The following CMBL variants were observed in gnomAD, a reference collection of about 807,000 sequenced individuals.
CMBL encodes carboxymethylenebutenolidase homolog (Pseudomonas).
CMBL carries 17 observed loss-of-function variants against 28.7 expected under a neutral mutation model. The ratio of observed to expected loss-of-function variants is 0.59; its 90% CI spans 0.41 to 0.89. The LOEUF (loss-of-function observed/expected upper bound fraction) is 0.89, where lower values mean the gene tolerates loss of function less well. Among genes scored for constraint, CMBL ranks in the 40% least tolerant of loss-of-function variants. CMBL has a pLI of 0.00. For missense variants in CMBL, 310 were observed against 298.5 expected (o/e 1.04, Z -0.28); for synonymous variants, 106 against 101.6 (o/e 1.04, Z -0.26).
At chr5:10,280,671 G>A (rs1323525287) in intron 5 of CMBL, 39 bp from the exon 6 acceptor site, 2 of 1,524,016 alleles carry the variant, frequency 1.3e-6, no homozygotes, top group Non-Finnish European at 1.8e-6. Flanking sequence ...ACCCTTTAGT[G>A]ATACTTTCCA....
intron 1 of CMBL, among the ~76,000 whole-genome samples, chr5:10,292,609 G>T (rs112210149): frequency 5.6e-4 from 85 of 152,246 alleles, no homozygotes; most frequent in African/African-American, 2.0e-3. Context: ...TGGATCACAA[G>T]TTCAGGAGCT....
In CMBL at chr5:10,282,288, C is replaced by A; in HGVS notation, c.467G>T (p.Gly156Val). The change falls in exon 5 of 6, where the codon GGC becomes GTC. Residue 156 changes from glycine (G) to valine (V), a missense_variant and splice_region_variant. Gly to Val is a moderately radical substitution (Grantham distance 109, BLOSUM62 -3). Coordinates refer to ENST00000296658, the MANE Select transcript of CMBL (RefSeq NM_138809.4). Reference sequence around the variant, plus strand: ...AATGTCTTCAGAATCCTTGACAATGCCTGAAAAACAAGCACAGAGGCATGA... The same window carrying A: ...AATGTCTTCAGAATCCTTGACAATGACTGAAAAACAAGCACAGAGGCATGA... ...SEFRAGVSVYGIVKDSEDIYN... is the reference protein window; with the variant it reads ...SEFRAGVSVYVIVKDSEDIYN... The A allele has an allele frequency of 6.3e-7, 1 of 1,579,998 alleles. No homozygotes were observed. Among genetic ancestry groups the A allele is most frequent in the Non-Finnish European group, 8.7e-7 (1 of 1,148,500 alleles).
At chr5:10,297,524 G>A (rs1579476534) in intron 1 of CMBL, among the ~76,000 whole-genome samples, 2 of 144,786 alleles carry the variant, frequency 1.4e-5, no homozygotes, top group South Asian at 2.2e-4. Flanking sequence ...AGCTGAGATC[G>A]CACCATTTCA....
chr5:10,300,192 G>A (rs984032710), intron 1 of CMBL, among the ~76,000 whole-genome samples: 1 of 152,196 alleles, frequency 6.6e-6, no homozygotes, highest in African/African-American at 2.4e-5. Context: ...AGACACAACA[G>A]ACGCACAGAA....
intron 1 of CMBL, chr5:10,307,351 A>C (rs1383904092): frequency 1.3e-5 from 2 of 152,202 alleles, no homozygotes; most frequent in Admixed American, 6.5e-5. Context: ...TGTGATTTCC[A>C]CTATGTCTTT....
chr5:10,286,529 G>C (rs763442330), intron 3 of CMBL, 33 bp from the exon 4 acceptor site: 1 of 1,600,494 alleles, frequency 6.2e-7, no homozygotes, highest in East Asian at 2.2e-5. Context: ...TCAAGAATCA[G>C]GCTTATTTTG....
In CMBL at chr5:10,290,672, T is replaced by C; in HGVS notation, c.91A>G (p.Lys31Glu). 1 of 1,614,218 alleles carries C rather than the reference T, an allele frequency of 6.2e-7. No individual in the cohort carries two copies. The highest frequency in any genetic ancestry group is 8.5e-7 in the Non-Finnish European group (1 of 1,180,042). The change falls in exon 2 of 6, where the codon AAG becomes GAG. Residue 31 changes from lysine to glutamate, a missense_variant. Coordinates refer to ENST00000296658, the MANE Select transcript of CMBL (RefSeq NM_138809.4). ...LGREVQVEHIKAYVTKSPVDA... is the reference protein window; with the variant it reads ...LGREVQVEHIEAYVTKSPVDA... ...ACGGGGGATTTGGTGACATAAGCCT[T>C]GATGTGCTCGACTTGAACTTCACGG...
In CMBL at chr5:10,279,424, G is replaced by A. The variant is rs1448349612; in HGVS notation, c.*1029C>T. ...GATAAGTGTCTAAGCTGGGCAGTTA[G>A]TCTACCCGTTTATAGTTCATGTTCT... is the stretch of plus-strand genomic sequence containing the variant. On this transcript the variant is annotated 3_prime_UTR_variant, in exon 6 of 6. Transcript: ENST00000296658. 2 of 152,218 alleles carry A rather than the reference G, an allele frequency of 1.3e-5. No individual in the cohort carries two copies. Among genetic ancestry groups the A allele is most frequent in the African/African-American group, 4.8e-5 (2 of 41,534 alleles). 9.4% of individuals were successfully genotyped at this position (152,218 alleles called of 1,614,324 possible). A position where few individuals can be genotyped will look rare whatever the true frequency, so the allele number is the denominator to read the frequency against.
Position 10,289,016 on chromosome 5 carries a change from A to G in CMBL, c.216-487T>C, listed in dbSNP as rs1417942371. Among the ~76,000 whole-genome samples the G allele has an allele frequency of 6.6e-6, 1 of 152,144 alleles. No individual in the cohort carries two copies. The highest frequency in any genetic ancestry group is 1.5e-5 in the Non-Finnish European group (1 of 68,032). On this transcript the variant is annotated intron_variant, in intron 2 of 5. Transcript: ENST00000296658. The surrounding 1 kb of genome is among the most constrained non-coding windows in gnomAD (Gnocchi z 4.3). ...AGACGGCGACGAAGCACAGTTTCCTATCCAGAGGGTATGTTCTAAGACGGG... is the reference window on the plus strand; with the variant it reads ...AGACGGCGACGAAGCACAGTTTCCTGTCCAGAGGGTATGTTCTAAGACGGG...
At position 10,281,977 on chromosome 5, in the gene CMBL, T is replaced by C. The variant is rs145853014; in HGVS notation, c.558+220A>G. On this transcript the variant is annotated intron_variant, in intron 5 of 5. Coordinates refer to ENST00000296658, the MANE Select transcript of CMBL (RefSeq NM_138809.4). Reference sequence around the variant, plus strand: ...GAGTTCAAGACCAGCCTGGTCAACATGGTGAAACCCCGTCTCTACTAAAAA... The same window carrying C: ...GAGTTCAAGACCAGCCTGGTCAACACGGTGAAACCCCGTCTCTACTAAAAA... Among the ~76,000 whole-genome samples the C allele has an allele frequency of 2.8e-3, 430 of 152,164 alleles. 4 individuals are homozygous for C. The highest frequency in any genetic ancestry group is 1.0e-2 in the African/African-American group (414 of 41,500).
intron 4 of CMBL, among the ~76,000 whole-genome samples, chr5:10,282,639 C>T (rs1025514908): frequency 2.6e-5 from 4 of 151,808 alleles, no homozygotes; most frequent in African/African-American, 4.8e-5. Context: ...AAACATAAGC[C>T]GGGTGTGGTG....
intron 1 of CMBL, among the ~76,000 whole-genome samples, chr5:10,304,406 A>G (rs182849510): frequency 1.4e-4 from 22 of 152,196 alleles, no homozygotes; most frequent in African/African-American, 5.1e-4. Flanking sequence ...AAAAATTCAT[A>G]ACCCCTCCTA....
chr5:10,285,729 G>C (rs1746589231), intron 4 of CMBL, among the ~76,000 whole-genome samples: 1 of 118,906 alleles, frequency 8.4e-6, no homozygotes. Context: ...ACAGGGTCTT[G>C]CTCTGTCACC....
chr5:10,299,427 T>C (rs1746857315), intron 1 of CMBL, among the ~76,000 whole-genome samples: 1 of 152,156 alleles, frequency 6.6e-6, no homozygotes, highest in Non-Finnish European at 1.5e-5. Context: ...GGTACACTTG[T>C]AGGGAAATGG....
intron 1 of CMBL, among the ~76,000 whole-genome samples, chr5:10,294,441 G>A (rs1746776193): frequency 6.6e-6 from 1 of 152,048 alleles, no homozygotes; most frequent in Non-Finnish European, 1.5e-5. Context: ...GCACATGCCT[G>A]TATTCCCAGC....
chr5:10,290,648 C>G lies in CMBL; in HGVS notation c.115G>C (p.Val39Leu). Residue 39 changes from valine (V) to leucine (L), a missense_variant, in exon 2 of 6, where the codon GTT (valine) becomes CTT (leucine). Val to Leu is a conservative substitution (Grantham distance 32, BLOSUM62 1). Coordinates refer to ENST00000296658, the MANE Select transcript of CMBL (RefSeq NM_138809.4). The stretch of plus-strand genomic sequence containing the variant: ...ACAATCACAGCTTTGCCTGCATCAA[C>G]GGGGGATTTGGTGACATAAGCCTTG... The part of the protein sequence containing the change: ...HIKAYVTKSP[V>L]DAGKAVIVIQ... 6.2e-7 allele frequency: 1 copy of G among 1,614,178 alleles called. No homozygotes were observed. Among genetic ancestry groups the G allele is most frequent in the Non-Finnish European group, 8.5e-7 (1 of 1,180,018 alleles).
At chr5:10,291,223 G>A (rs1395760850) in intron 1 of CMBL, among the ~76,000 whole-genome samples, 2 of 152,152 alleles carry the variant, frequency 1.3e-5, no homozygotes, top group East Asian at 3.9e-4. Flanking sequence ...GAATTTGTAA[G>A]AGACCCACGC....
At chr5:10,291,138 G>A (rs73052320) in intron 1 of CMBL, among the ~76,000 whole-genome samples, 288 of 152,252 alleles carry the variant, frequency 1.9e-3, no homozygotes, top group African/African-American at 6.6e-3. Context: ...CCCGACTCAG[G>A]AGCACACCCT....
At chr5:10,281,337 G>A (rs563495956) in intron 5 of CMBL, among the ~76,000 whole-genome samples, 3 of 152,194 alleles carry the variant, frequency 2.0e-5, no homozygotes, top group Admixed American at 1.3e-4. Context: ...CCTGCCTCAG[G>A]CTCCCAAATA....
Sources: allele counts gnomAD v4.1 joint callset (sites outside exome capture counted in the v4.1 genomes callset), GRCh38; gene constraint gnomAD v4.1.1; non-coding constraint Gnocchi (gnomAD v3.1); transcripts MANE v1.5; gene names NCBI Gene and HGNC (gene_info 2026-07-23, HGNC 2026-07-21).